Variants in MB21D2 observed in about 807,000 individuals in gnomAD.
MB21D2 encodes Mab-21 domain containing 2.
MB21D2 carries 9 observed loss-of-function variants against 33.3 expected under a neutral mutation model. The ratio of observed to expected loss-of-function variants is 0.27; its 90% CI spans 0.16 to 0.47. The LOEUF (loss-of-function observed/expected upper bound fraction) is 0.47. Among genes scored for constraint, MB21D2 ranks in the 20% least tolerant of loss-of-function variants. The probability of loss-of-function intolerance (pLI) is 0.99; values close to 1 mark genes in which losing one functional copy is unlikely to be tolerated. For missense variants in MB21D2, 540 were observed against 624.6 expected, an observed-to-expected ratio of 0.86 and a Z score of 1.44; for synonymous variants, 241 against 236.3, an observed-to-expected ratio of 1.02 and a Z score of -0.18.
intron 1 of MB21D2, among the ~76,000 whole-genome samples, chr3:192,887,065 C>T (rs947341656): frequency 1.3e-5 from 2 of 152,054 alleles, no homozygotes; most frequent in African/African-American, 4.8e-5. Context: ...CAATTCATTT[C>T]GAGAAGACGC....
intron 1 of MB21D2, among the ~76,000 whole-genome samples, chr3:192,849,104 T>C (rs1004816345): frequency 1.3e-5 from 2 of 152,118 alleles, no homozygotes; most frequent in African/African-American, 4.8e-5. Flanking sequence ...AGTCCTGAAA[T>C]GGCTGGCATT....
At chr3:192,871,721 G>T (rs530048185) in intron 1 of MB21D2, among the ~76,000 whole-genome samples, 1 of 152,294 alleles carries the variant, frequency 6.6e-6, no homozygotes, top group African/African-American at 2.4e-5. Context: ...CTGTGGAGGT[G>T]GGGAGAAGCC....
chr3:192,861,582 G>A (rs2108633998), intron 1 of MB21D2, among the ~76,000 whole-genome samples: 1 of 152,320 alleles, frequency 6.6e-6, no homozygotes, highest in East Asian at 1.9e-4. Context: ...CAAGGCGGGT[G>A]AATCACCTGA....
chr3:192,800,276 G>C (rs1430845684), intron 1 of MB21D2, among the ~76,000 whole-genome samples: 2 of 151,914 alleles, frequency 1.3e-5, no homozygotes, highest in African/African-American at 4.8e-5. Context: ...ACAGGGTCTT[G>C]CTATGTTGCC....
intron 1 of MB21D2, among the ~76,000 whole-genome samples, chr3:192,912,894 T>C (rs999727700): frequency 3.3e-5 from 5 of 152,164 alleles, no homozygotes; most frequent in African/African-American, 4.8e-5. Context: ...CCATTTCATC[T>C]TTAAAAAGGG....
chr3:192,867,643 G>A (rs950546077), intron 1 of MB21D2, among the ~76,000 whole-genome samples: 3 of 152,070 alleles, frequency 2.0e-5, no homozygotes, highest in Admixed American at 1.3e-4. Context: ...AGATGGTCAC[G>A]GCAGGTGAAA....
intron 1 of MB21D2, among the ~76,000 whole-genome samples, chr3:192,844,467 C>T (rs993205394): frequency 5.9e-5 from 9 of 152,202 alleles, no homozygotes; most frequent in African/African-American, 2.2e-4. Context: ...CACTGCTGTG[C>T]TCTTTAGCTT....
At chr3:192,876,651 T>C (rs9863598) in intron 1 of MB21D2, among the ~76,000 whole-genome samples, 93,033 of 152,058 alleles carry the variant, frequency 0.61, 30,376 homozygotes, top group African/African-American at 0.84. Flanking sequence ...CTAGCCCCTG[T>C]TCCCTCTCAA....
intron 1 of MB21D2, among the ~76,000 whole-genome samples, chr3:192,872,218 T>A (rs1713320523): frequency 6.6e-6 from 1 of 152,110 alleles, no homozygotes; most frequent in African/African-American, 2.4e-5. Flanking sequence ...CAACCAAATG[T>A]ATCACAAGGT....
chr3:192,804,343 T>G (rs1484482424), intron 1 of MB21D2, among the ~76,000 whole-genome samples: 2 of 71,342 alleles, frequency 2.8e-5, no homozygotes, highest in Non-Finnish European at 5.4e-5. Flanking sequence ...CCCACCCCAG[T>G]AAGTCTGTGA....
intron 1 of MB21D2, among the ~76,000 whole-genome samples, chr3:192,884,289 C>T (rs990636923): frequency 1.3e-5 from 2 of 152,120 alleles, no homozygotes; most frequent in Non-Finnish European, 2.9e-5. Flanking sequence ...AATCCTCTCT[C>T]CCTTTTAACT....
At chr3:192,820,699 G>A (rs531717601) in intron 1 of MB21D2, among the ~76,000 whole-genome samples, 17 of 152,354 alleles carry the variant, frequency 1.1e-4, no homozygotes, top group Admixed American at 5.9e-4. Context: ...CCGCTGCCTC[G>A]TTCAGCCAGC....
chr3:192,917,480 G>C, intron 1 of MB21D2, 150 bp downstream of exon 1: 1 of 702,614 alleles, frequency 1.4e-6, no homozygotes, highest in Non-Finnish European at 2.3e-6. Flanking sequence ...AGAAAGAAGA[G>C]AGAGGCGGAA....
At chr3:192,878,203 C>T (rs180721541) in intron 1 of MB21D2, among the ~76,000 whole-genome samples, 14 of 151,624 alleles carry the variant, frequency 9.2e-5, no homozygotes, top group Non-Finnish European at 1.8e-4. Context: ...GGGTTCACGC[C>T]CTCCTCTTAT....
chr3:192,868,220 C>T (rs1713211208), intron 1 of MB21D2, among the ~76,000 whole-genome samples: 1 of 152,180 alleles, frequency 6.6e-6, no homozygotes, highest in Admixed American at 6.5e-5. Flanking sequence ...CTTAGCCCAT[C>T]CTCACTATGG....
chr3:192,917,554 A>G, intron 1 of MB21D2, 76 bp downstream of exon 1: 1 of 1,511,242 alleles, frequency 6.6e-7, no homozygotes, highest in Non-Finnish European at 9.1e-7. Context: ...GAGGTCGAGA[A>G]GCGGCAATGG....
chr3:192,812,057 A>G (rs1169988501), intron 1 of MB21D2, among the ~76,000 whole-genome samples: 1 of 150,546 alleles, frequency 6.6e-6, no homozygotes, highest in Non-Finnish European at 1.5e-5. Context: ...TTGCTTTTTT[A>G]TTTTTTTGGA....
At chr3:192,878,081 C>CTTTTTTT (rs11294126) in intron 1 of MB21D2, among the ~76,000 whole-genome samples, 3 of 119,532 alleles carry the variant, frequency 2.5e-5, no homozygotes, top group Non-Finnish European at 3.3e-5. Context: ...AATTCCTCCT[C>CTTTTTTT]TTTTTTTTTT....
At chr3:192,806,241 G>A (rs1237240513) in intron 1 of MB21D2, among the ~76,000 whole-genome samples, 1 of 152,184 alleles carries the variant, frequency 6.6e-6, no homozygotes, top group African/African-American at 2.4e-5. Context: ...TGTTCATGGT[G>A]TATCTTTCTT....
Sources: allele counts gnomAD v4.1 joint callset (sites outside exome capture counted in the v4.1 genomes callset), GRCh38; gene constraint gnomAD v4.1.1; transcripts MANE v1.5; gene names NCBI Gene and HGNC (gene_info 2026-07-23, HGNC 2026-07-21).